Variants in PREX1 observed in about 807,000 individuals in gnomAD.
PREX1 encodes the protein phosphatidylinositol-3,4,5-trisphosphate dependent Rac exchange factor 1, also known as phosphatidylinositol 3,4,5-trisphosphate-dependent Rac exchanger 1 protein.
In PREX1, 41 loss-of-function variants were observed where a neutral mutation model predicts 198.3. That is an observed-to-expected ratio of 0.21 (90% CI 0.16 to 0.27). The LOEUF (loss-of-function observed/expected upper bound fraction) is 0.27. Ranked by LOEUF, PREX1 falls within the 10% of genes least tolerant of loss-of-function variation. The pLI, the probability that PREX1 is intolerant of heterozygous loss-of-function variation, is 1.00. For synonymous variants in PREX1, 843 were observed against 887.2 expected (o/e 0.95, Z 0.89); for missense variants, 1,620 against 2,200.7 (o/e 0.74, Z 5.28).
At chr20:48,719,306 C>A (rs953831849) in intron 5 of PREX1, among the ~76,000 whole-genome samples, 3 of 152,014 alleles carry the variant, frequency 2.0e-5, no homozygotes, top group East Asian at 1.9e-4. Context: ...TGGCAGGACC[C>A]CCCCCCCAAC....
At chr20:48,816,262 C>T (rs13038477) in intron 1 of PREX1, among the ~76,000 whole-genome samples, 49,382 of 151,900 alleles carry the variant, frequency 0.33, 8,256 homozygotes, top group African/African-American at 0.36. Flanking sequence ...AATATGGGCT[C>T]TGGAGTAGAA....
rs531265368 is a variant in PREX1 at position 48,665,149 on chromosome 20, C to T, written c.1738+1134G>A. On this transcript the variant is annotated intron_variant, in intron 15 of 39. Coordinates refer to ENST00000371941, the MANE Select transcript of PREX1 (RefSeq NM_020820.4). The stretch of plus-strand genomic sequence containing the variant: ...CCCCAGACGGCCTGAATTCTAATCC[C>T]GGCCCCAGACGGCCTGAATTATAAT... Among the ~76,000 whole-genome samples, 527 of 149,696 alleles carry T rather than the reference C, an allele frequency of 3.5e-3. 1 individual carries two copies. The highest frequency in any genetic ancestry group is 5.2e-3 in the Non-Finnish European group (353 of 67,258).
chr20:48,710,567 C>A (rs2089925866), intron 5 of PREX1, among the ~76,000 whole-genome samples: 1 of 152,234 alleles, frequency 6.6e-6, no homozygotes, highest in Non-Finnish European at 1.5e-5. Context: ...GGTCACACAG[C>A]ACATCTGAGC....
At chr20:48,701,099 T>C (rs1273899278) in intron 6 of PREX1, among the ~76,000 whole-genome samples, 1 of 152,234 alleles carries the variant, frequency 6.6e-6, no homozygotes, top group Non-Finnish European at 1.5e-5. Context: ...TATGACCGCA[T>C]GTCCCTTTTA....
chr20:48,880,981 T>TTA, the PREX1 span, among the ~76,000 whole-genome samples: 1 of 20,968 alleles, frequency 4.8e-5, no homozygotes, highest in Non-Finnish European at 7.6e-5. Flanking sequence ...AAACCATTGC[T>TTA]AAAAAAAAAA....
At chr20:48,646,763 C>T (rs962968923) in intron 25 of PREX1, among the ~76,000 whole-genome samples, 1 of 152,162 alleles carries the variant, frequency 6.6e-6, no homozygotes, top group Non-Finnish European at 1.5e-5. Flanking sequence ...TCATCAATCC[C>T]CACTGTAGGG....
chr20:48,720,726 T>C lies in PREX1; in HGVS notation c.621+5564A>G, dbSNP rs563521157. Among the ~76,000 whole-genome samples, 278 of 152,002 alleles carry C rather than the reference T, an allele frequency of 1.8e-3. 1 individual carries two copies. The highest frequency in any genetic ancestry group is 7.5e-3 in the South Asian group (36 of 4,788). ...CCCAGTTGTCCCCCTTCACCGAGAA[T>C]TGAGGTCAACACCTCCCTGGCAATG... On this transcript the variant is annotated intron_variant, in intron 5 of 39. Coordinates refer to ENST00000371941, the MANE Select transcript of PREX1 (RefSeq NM_020820.4).
rs1415703566 is a variant in PREX1 at position 48,642,429 on chromosome 20, C to A, written c.3662G>T (p.Cys1221Phe). 2 of 1,613,194 alleles carry A rather than the reference C, an allele frequency of 1.2e-6. No homozygotes were observed. Among genetic ancestry groups the A allele is most frequent in the Non-Finnish European group, 1.7e-6 (2 of 1,179,396 alleles). ...TACCTGGTTAAAGAGGTGCTCCAGG[C>A]AGCCATGAAGCTTGTCCTGCTTGTC... ...PSDKQDKLHG[C>F]LEHLFNQVDS... The change falls in exon 28 of 40, where the codon TGC (cysteine) becomes TTC (phenylalanine). Residue 1221 changes from cysteine (C) to phenylalanine (F), a missense_variant. By Grantham distance (205) the Cys-to-Phe change is radical (BLOSUM62 -2). Transcript: ENST00000371941.
intron 5 of PREX1, among the ~76,000 whole-genome samples, chr20:48,725,371 G>A (rs908391592): frequency 3.3e-5 from 5 of 152,352 alleles, no homozygotes; most frequent in African/African-American, 1.2e-4. Context: ...AGTGGAAGGC[G>A]GAAGAGCCGT....
chr20:48,838,993 CAAAA>C, the PREX1 span, among the ~76,000 whole-genome samples: 275 of 22,922 alleles, frequency 0.012, no homozygotes, highest in African/African-American at 0.016. Context: ...GACTCTGTCT[CAAAA>C]AAAAAAAAAA....
At chr20:48,783,568 G>A (rs2090299470) in intron 1 of PREX1, among the ~76,000 whole-genome samples, 1 of 152,156 alleles carries the variant, frequency 6.6e-6, no homozygotes, top group South Asian at 2.1e-4. Flanking sequence ...GCCCACAGGT[G>A]GGGGCTGGCA....
At chr20:48,701,461 G>A (rs1219204539) in intron 6 of PREX1, among the ~76,000 whole-genome samples, 3 of 152,060 alleles carry the variant, frequency 2.0e-5, no homozygotes, top group Admixed American at 6.6e-5. Context: ...TGATCCAACC[G>A]CCTCAGCTTC....
At chr20:48,832,111 AG>A (rs2090538362), upstream of PREX1, among the ~76,000 whole-genome samples, 1 of 150,696 alleles carries the variant, frequency 6.6e-6, no homozygotes, top group African/African-American at 2.5e-5. Flanking sequence ...GGGAGGAAGA[AG>A]AAAAAAAAAA....
intron 14 of PREX1, among the ~76,000 whole-genome samples, chr20:48,674,178 AT>A: frequency 6.6e-6 from 1 of 152,376 alleles, no homozygotes; most frequent in East Asian, 1.9e-4. Context: ...CTCCCAGGAC[AT>A]AGGGTCCCAT....
intron 6 of PREX1, 75 bp from the exon 7 acceptor site, chr20:48,700,961 C>G: frequency 6.3e-7 from 1 of 1,592,182 alleles, no homozygotes; most frequent in Non-Finnish European, 8.6e-7. Context: ...ACAGAACCTA[C>G]TACCACCTCC....
the PREX1 span, among the ~76,000 whole-genome samples, chr20:48,879,662 A>G: frequency 6.6e-6 from 1 of 152,232 alleles, no homozygotes; most frequent in South Asian, 2.1e-4. Context: ...ACACTAAATT[A>G]TCAACAGCTC....
rs1481805568 is a variant in PREX1 at position 48,666,800 on chromosome 20, C to T, written c.1666-445G>A. On this transcript the variant is annotated intron_variant, in intron 14 of 39. Transcript: ENST00000371941. The surrounding 1 kb of genome is among the most constrained non-coding windows in gnomAD (Gnocchi z 4.3). The stretch of plus-strand genomic sequence containing the variant: ...TTGGCCTCCCAAAGTGCTGGAATTA[C>T]AGGCATGAGCCACCACGCCTGGCCC... Among the ~76,000 whole-genome samples the T allele has an allele frequency of 1.3e-5, 2 of 152,330 alleles. No individual in the cohort carries two copies. Among genetic ancestry groups the T allele is most frequent in the Non-Finnish European group, 2.9e-5 (2 of 68,034 alleles).
In PREX1 at chr20:48,657,604, G is replaced by A. The variant is rs1428307837; in HGVS notation, c.1975-416C>T. 5.3e-5 allele frequency among the ~76,000 whole-genome samples: 8 copies of A among 152,140 alleles called. No individual in the cohort carries two copies. The East Asian group carries it at 1.2e-3, about 22-fold the overall frequency. ...CTGGCAAGGTCAACCTAGCCGCTCCGGCCATGGGTATGTCGCTCCTTGCAG... is the reference window on the plus strand; with the variant it reads ...CTGGCAAGGTCAACCTAGCCGCTCCAGCCATGGGTATGTCGCTCCTTGCAG... On this transcript the variant is annotated intron_variant, in intron 17 of 39. Coordinates refer to ENST00000371941, the MANE Select transcript of PREX1 (RefSeq NM_020820.4).
At chr20:48,681,372 C>G (rs781517309) in intron 10 of PREX1, 37 bp from the exon 11 acceptor site, 1 of 1,599,760 alleles carries the variant, frequency 6.3e-7, no homozygotes, top group Non-Finnish European at 8.6e-7. Context: ...GAGGATTTCC[C>G]CAATTCTGGG....
Sources: gnomAD v4.1 joint callset for allele counts (sites outside exome capture counted in the v4.1 genomes callset) on GRCh38, gnomAD v4.1.1 for gene constraint, Gnocchi (gnomAD v3.1) non-coding constraint, MANE v1.5 for transcripts, NCBI Gene and HGNC (gene_info 2026-07-23, HGNC 2026-07-21) for gene names.